INO80: variants seen among roughly 807,000 people sequenced by gnomAD.
The protein encoded by INO80 is chromatin-remodeling ATPase INO80.
A neutral mutation model predicts 203.4 loss-of-function variants in INO80; 20 were observed. That is an observed-to-expected ratio of 0.10 (90% confidence interval 0.07 to 0.14). The LOEUF is 0.14. Among genes scored for constraint, INO80 ranks in the 10% least tolerant of loss-of-function variants. The pLI is 1.00. For synonymous variants in INO80, 726 were observed against 685.2 expected (o/e 1.06, Z -0.93); for missense variants, 1,419 against 1,914.4 (o/e 0.74, Z 4.83).
rs199862661 is a variant in INO80 at position 41,049,373 on chromosome 15, T to C, written c.2490A>G (p.Pro830=). The C allele has an allele frequency of 1.9e-5, 31 of 1,613,772 alleles. No individual in the cohort carries two copies. The highest frequency in any genetic ancestry group is 2.3e-5 in the Non-Finnish European group (27 of 1,179,800). Residue 830 remains proline, a synonymous_variant, in exon 21 of 36, where the codon CCA becomes CCG. Transcript: ENST00000648947. ...ELFERQETWS[P]FHISLKPYHI... is the part of the protein sequence containing the mutation. ...GGTATGGCTTTAGGGAAATATGAAA[T>C]GGAGACCAAGTTTCTTGCCGTTCAA...
At chr15:41,028,538 C>T (rs2044411409) in intron 24 of INO80, among the ~76,000 whole-genome samples, 1 of 152,218 alleles carries the variant, frequency 6.6e-6, no homozygotes, top group African/African-American at 2.4e-5. Context: ...GAAATTCTAT[C>T]TCTTTAGTGC....
intron 29 of INO80, among the ~76,000 whole-genome samples, chr15:40,991,278 G>T (rs1319219110): frequency 6.6e-6 from 1 of 152,096 alleles, no homozygotes; most frequent in Non-Finnish European, 1.5e-5. Flanking sequence ...AAAAAAATAG[G>T]ATTGTTTAGA....
intron 11 of INO80, among the ~76,000 whole-genome samples, chr15:41,072,641 C>CAATA (rs1353054311): frequency 6.5e-5 from 3 of 45,982 alleles, no homozygotes; most frequent in Non-Finnish European, 1.4e-4. Flanking sequence ...ACTCCCGCCT[C>CAATA]AAAAAAAAAA....
At chr15:40,982,721 T>C (rs1893875529) in intron 35 of INO80, 141 bp downstream of exon 35, 1 of 667,682 alleles carries the variant, frequency 1.5e-6, no homozygotes. Flanking sequence ...CAGTGCTTAT[T>C]ACAAAGAAGA....
chr15:41,085,096 T>A (rs1208663284), intron 7 of INO80, among the ~76,000 whole-genome samples: 1 of 152,234 alleles, frequency 6.6e-6, no homozygotes, highest in Non-Finnish European at 1.5e-5. Context: ...ATTGCTATAT[T>A]TAGGAAAACT....
At chr15:41,103,970 C>T (rs1446895849) in intron 1 of INO80, among the ~76,000 whole-genome samples, 2 of 151,850 alleles carry the variant, frequency 1.3e-5, no homozygotes, top group African/African-American at 4.8e-5. Context: ...AATCCCAGCA[C>T]CTTGGGAGGC....
At chr15:40,992,646 T>C (rs532478925) in intron 29 of INO80, among the ~76,000 whole-genome samples, 1 of 152,350 alleles carries the variant, frequency 6.6e-6, no homozygotes, top group Non-Finnish European at 1.5e-5. Context: ...ACACACACAG[T>C]ATATCCTCGG....
At chr15:41,027,456 C>T (rs549969846) in intron 25 of INO80, 140 bp downstream of exon 25, 98 of 709,996 alleles carry the variant, frequency 1.4e-4, no homozygotes, top group Non-Finnish European at 2.0e-4. Context: ...CAAATGCCCA[C>T]ATTTTAAAAT....
chr15:41,049,448 T>C, intron 20 of INO80, 28 bp from the exon 21 acceptor site: 1 of 1,609,842 alleles, frequency 6.2e-7, no homozygotes, highest in Non-Finnish European at 8.5e-7. Flanking sequence ...GGTAAGACAA[T>C]ATTACCACAT....
At chr15:41,075,556 G>T (rs2045390914) in intron 9 of INO80, among the ~76,000 whole-genome samples, 2 of 152,162 alleles carry the variant, frequency 1.3e-5, no homozygotes, top group Admixed American at 1.3e-4. Context: ...CTGGGTTCAT[G>T]CCATTCTCCT....
At chr15:40,996,482 C>T (rs1471863394) in intron 29 of INO80, among the ~76,000 whole-genome samples, 6 of 151,576 alleles carry the variant, frequency 4.0e-5, no homozygotes, top group South Asian at 4.2e-4. Flanking sequence ...TCACCACGCC[C>T]GGCTATTTTT....
rs1202012190 is a variant in INO80, at chr15:41,087,663, T to C, written c.557A>G (p.Tyr186Cys). 1.2e-6 allele frequency: 2 copies of C among 1,612,794 alleles called. No homozygotes were observed. The highest frequency in any genetic ancestry group is 2.7e-5 in the African/African-American group (2 of 74,884). Reference protein sequence around the residue: ...KDKELQQYQYYSAGLLSTYDP... With the variant: ...KDKELQQYQYCSAGLLSTYDP... ...ATATGTGGAGAGCAGGCCTGCACTG[T>C]AGTACTGATATTGCTGCAACTGAAG... The change falls in exon 6 of 36, where the codon TAC becomes TGC. Residue 186 changes from tyrosine to cysteine, a missense_variant. Tyr to Cys is a radical substitution (Grantham distance 194). Coordinates refer to ENST00000648947, the MANE Select transcript of INO80 (RefSeq NM_017553.3).
In INO80 at chr15:41,111,846, A is replaced by T. The variant is rs573055062; in HGVS notation, c.-44+4127T>A. Among the ~76,000 whole-genome samples, 35 of 151,794 alleles carry T rather than the reference A, an allele frequency of 2.3e-4. 1 individual carries two copies. The highest frequency in any genetic ancestry group is 8.0e-4 in the African/African-American group (33 of 41,300). On this transcript the variant is annotated intron_variant, in intron 1 of 35. Transcript: ENST00000648947. ...TTTTGCGGGGAGGAGGAAAAAAAAAACCTCTTACCCAACAGAATAGGTGTC... is the reference window on the plus strand; with the variant it reads ...TTTTGCGGGGAGGAGGAAAAAAAAATCCTCTTACCCAACAGAATAGGTGTC...
At chr15:41,018,117 G>A (rs2140461273) in intron 26 of INO80, 1 of 151,584 alleles carries the variant, frequency 6.6e-6, no homozygotes, top group African/African-American at 2.4e-5. Context: ...CTCATTAAAA[G>A]CACAAGGTGA....
chr15:41,015,137 C>A (rs1224728701), intron 27 of INO80, among the ~76,000 whole-genome samples: 1 of 152,114 alleles, frequency 6.6e-6, no homozygotes, highest in Admixed American at 6.5e-5. Flanking sequence ...ACCACTCAGA[C>A]AAGAAAAAGA....
At chr15:41,017,841 T>G (rs2044233634) in intron 26 of INO80, 1 of 152,230 alleles carries the variant, frequency 6.6e-6, no homozygotes, top group Non-Finnish European at 1.5e-5. Flanking sequence ...GCTCTTCTTT[T>G]TGTTGGTCTC....
At chr15:40,989,742 C>T (rs2043792325) in intron 29 of INO80, among the ~76,000 whole-genome samples, 1 of 152,214 alleles carries the variant, frequency 6.6e-6, no homozygotes, top group Admixed American at 6.5e-5. Flanking sequence ...CATGTCCAAA[C>T]TCTCCTAAAT....
In INO80 at chr15:41,116,236, A is replaced by T. The variant is rs1479097120; in HGVS notation, c.-307T>A. The T allele has an allele frequency of 1.5e-5, 6 of 401,818 alleles. No homozygotes were observed. The highest frequency in any genetic ancestry group is 2.6e-5 in the Non-Finnish European group (6 of 229,068). The allele number at this position is 401,818 out of a possible 1,614,324, so 24.9% of individuals were successfully genotyped here. A position where few individuals can be genotyped will look rare whatever the true frequency, so the allele number is the denominator to read the frequency against. ...CACTTTCACTCACTGAGAGGAGCGG[A>T]GCAGGGACACGGGGAGCCATGGCGG... On this transcript the variant is annotated 5_prime_UTR_variant, in exon 1 of 36. Transcript: ENST00000648947.
At chr15:41,046,959 C>G (rs373460485) in intron 23 of INO80, among the ~76,000 whole-genome samples, 1 of 148,928 alleles carries the variant, frequency 6.7e-6, no homozygotes, top group Non-Finnish European at 1.5e-5. Flanking sequence ...TTTCTTGAGA[C>G]GGAGTTTTGA....
Sources: allele counts gnomAD v4.1 joint callset (sites outside exome capture counted in the v4.1 genomes callset), GRCh38; gene constraint gnomAD v4.1.1; transcripts MANE v1.5; gene names NCBI Gene and HGNC (gene_info 2026-07-23, HGNC 2026-07-21).